The following C14orf93 variants were observed in gnomAD, a reference collection of about 807,000 sequenced individuals.
The protein encoded by C14orf93 is chromosome 14 open reading frame 93, also known as uncharacterized protein C14orf93.
In C14orf93, 23 loss-of-function variants were observed where a neutral mutation model predicts 44.0. That is an observed-to-expected ratio of 0.52 (90% CI 0.38 to 0.74). The LOEUF (loss-of-function observed/expected upper bound fraction) is 0.74, where lower values mean the gene tolerates loss of function less well. Among genes scored for constraint, C14orf93 ranks in the 30% least tolerant of loss-of-function variants. C14orf93 has a pLI of 0.00. For missense variants in C14orf93, 579 were observed against 678.9 expected (o/e 0.85, Z 1.64); for synonymous variants, 253 against 265.7 (o/e 0.95, Z 0.46).
Position 22,987,313 on chromosome 14 carries a change from C to T in C14orf93, c.1519G>A (p.Glu507Lys), listed in dbSNP as rs760132892. Residue 507 changes from glutamate (E) to lysine (K), a missense_variant, in exon 7 of 7, where the codon GAG becomes AAG. By Grantham distance (56) the Glu-to-Lys change is moderately conservative. Coordinates refer to ENST00000299088, the MANE Select transcript of C14orf93 (RefSeq NM_021944.4). This position sits in a 1 kb window ranked among gnomAD's most constrained non-coding sequence, Gnocchi z 5.6. ...FQEEEDEGGD[E>K]NAPGSPSFDQ... is the part of the protein sequence containing the mutation. ...AAAGATGGGGAGCCAGGTGCATTCT[C>T]ATCCCCTCCCTCATCTTCCTCTTCT... 6 of 1,614,130 alleles carry T rather than the reference C, an allele frequency of 3.7e-6. No individual in the cohort carries two copies. Among genetic ancestry groups the T allele is most frequent in the East Asian group, 2.2e-5 (1 of 44,902 alleles).
intron 3 of C14orf93, among the ~76,000 whole-genome samples, chr14:22,993,490 T>A (rs955858114): frequency 2.0e-5 from 3 of 152,084 alleles, no homozygotes; most frequent in Non-Finnish European, 4.4e-5. Context: ...TAGTCCACAC[T>A]TAAGGAATCA....
Position 22,999,071 on chromosome 14 carries a change from A to T in C14orf93, c.-48T>A. The T allele has an allele frequency of 6.5e-7, 1 of 1,546,652 alleles. No homozygotes were observed. The highest frequency in any genetic ancestry group is 8.7e-7 in the Non-Finnish European group (1 of 1,149,972). ...ACGCTTACACTGCTGGGCCGCTCCA[A>T]CAGGTAGGAAGCATCAACTTCTCTG... On this transcript the variant is annotated 5_prime_UTR_variant, in exon 2 of 7. It adds an upstream start codon to the 5' untranslated region. Transcript: ENST00000299088.
chr14:23,003,383 G>A (rs1265202139), intron 1 of C14orf93, among the ~76,000 whole-genome samples: 1 of 152,330 alleles, frequency 6.6e-6, no homozygotes, highest in East Asian at 1.9e-4. Flanking sequence ...GGGATCAGCA[G>A]GTAATAAACG....
At chr14:22,992,647 G>A (rs899977406) in intron 3 of C14orf93, among the ~76,000 whole-genome samples, 7 of 149,928 alleles carry the variant, frequency 4.7e-5, no homozygotes, top group South Asian at 4.3e-4. Context: ...GCGTGATCTC[G>A]GCTCACTGCA....
At position 22,986,687 on chromosome 14, in the gene C14orf93, A is replaced by G. The variant is rs2045242366; in HGVS notation, c.*528T>C. 1 of 157,898 alleles carries G rather than the reference A, an allele frequency of 6.3e-6. No homozygotes were observed. Among genetic ancestry groups the G allele is most frequent in the Non-Finnish European group, 1.4e-5 (1 of 71,024 alleles). The allele number at this position is 157,898 out of a possible 1,614,324, so 9.8% of individuals were successfully genotyped here. A position where few individuals can be genotyped will look rare whatever the true frequency, so the allele number is the denominator to read the frequency against. ...ATTATATCAGGAACCCAATTCCCCA[A>G]TAGTGATAGAACTTGTGTTCCCTTG... On this transcript the variant is annotated 3_prime_UTR_variant, in exon 7 of 7. Transcript: ENST00000299088.
chr14:22,991,781 A>G (rs576885493), intron 3 of C14orf93, among the ~76,000 whole-genome samples: 8 of 152,194 alleles, frequency 5.3e-5, no homozygotes, highest in African/African-American at 1.7e-4. Flanking sequence ...CATGTTGGCC[A>G]GGATGGTCTT....
intron 3 of C14orf93, among the ~76,000 whole-genome samples, chr14:22,993,587 T>C (rs564779525): frequency 3.9e-5 from 6 of 152,210 alleles, no homozygotes; most frequent in Admixed American, 3.9e-4. Context: ...AAAAGGGAGT[T>C]ACAAAGCTTC....
intron 1 of C14orf93, among the ~76,000 whole-genome samples, chr14:23,003,886 ATATATATATATATTTTT>A (rs2046460754): frequency 6.7e-5 from 1 of 15,026 alleles, no homozygotes; most frequent in African/African-American, 3.6e-4. Context: ...ATATATATAT[ATATATATATATATTTTT>A]TTTTTTTTTT....
chr14:22,999,217 G>A lies in C14orf93; in HGVS notation c.-194C>T. Reference sequence around the variant, plus strand: ...CACAGTCCATGGCGGCCTCTCCTCGGCCTGCAGAAGGGAGACAGGTGCCTT... The same window carrying A: ...CACAGTCCATGGCGGCCTCTCCTCGACCTGCAGAAGGGAGACAGGTGCCTT... On this transcript the variant is annotated 5_prime_UTR_variant, in exon 2 of 7. Coordinates refer to ENST00000299088, the MANE Select transcript of C14orf93 (RefSeq NM_021944.4). The A allele has an allele frequency of 1.3e-6, 1 of 780,552 alleles. No homozygotes were observed. The highest frequency in any genetic ancestry group is 1.9e-6 in the Non-Finnish European group (1 of 518,802). The allele number at this position is 780,552 out of a possible 1,614,324, so 48.4% of individuals were successfully genotyped here.
chr14:22,995,902 A>G (rs749072062), intron 3 of C14orf93, 46 bp downstream of exon 3: 1 of 1,503,660 alleles, frequency 6.7e-7, no homozygotes, highest in African/African-American at 1.4e-5. Flanking sequence ...CTCTTCACTT[A>G]TCTCTCCAGA....
At position 23,010,143 on chromosome 14, in the gene C14orf93, G is replaced by A. The variant is rs2046802077; in HGVS notation, c.-422C>T. On this transcript the variant is annotated 5_prime_UTR_variant, in exon 1 of 7. Coordinates refer to ENST00000299088, the MANE Select transcript of C14orf93 (RefSeq NM_021944.4). ...CTTTGTATTCGTGTGTGTGCAAAAAGGAGGACTCGCGGAGCCCGAGCCGGC... is the reference window on the plus strand; with the variant it reads ...CTTTGTATTCGTGTGTGTGCAAAAAAGAGGACTCGCGGAGCCCGAGCCGGC... The A allele has an allele frequency of 1.3e-5, 2 of 152,088 alleles. No homozygotes were observed. The highest frequency in any genetic ancestry group is 2.9e-5 in the Non-Finnish European group (2 of 67,994). 9.4% of individuals were successfully genotyped at this position (152,088 alleles called of 1,614,324 possible). A position where few individuals can be genotyped will look rare whatever the true frequency, so the allele number is the denominator to read the frequency against.
In C14orf93 at chr14:22,999,296, T is replaced by C. The variant is rs889978112; in HGVS notation, c.-273A>G. Reference sequence around the variant, plus strand: ...ACATCACAAATCAAGGCCTTCCTGATGAACGGTTTCAGACGGTAGAGAGCA... The same window carrying C: ...ACATCACAAATCAAGGCCTTCCTGACGAACGGTTTCAGACGGTAGAGAGCA... On this transcript the variant is annotated 5_prime_UTR_variant, in exon 2 of 7. Transcript: ENST00000299088. 5 of 358,318 alleles carry C rather than the reference T, an allele frequency of 1.4e-5. No homozygotes were observed. The highest frequency in any genetic ancestry group is 4.1e-5 in the African/African-American group (2 of 48,322). 22.2% of individuals were successfully genotyped at this position (358,318 alleles called of 1,614,324 possible). A position where few individuals can be genotyped will look rare whatever the true frequency, so the allele number is the denominator to read the frequency against.
chr14:23,001,578 C>T (rs2046298709), intron 1 of C14orf93, among the ~76,000 whole-genome samples: 1 of 152,088 alleles, frequency 6.6e-6, no homozygotes, highest in African/African-American at 2.4e-5. Context: ...GATTCTCCTG[C>T]CTCAGCCTCC....
At chr14:23,003,898 ATTTTTTTTTTTTTTTT>A (rs1170432984) in intron 1 of C14orf93, among the ~76,000 whole-genome samples, 4 of 10,378 alleles carry the variant, frequency 3.9e-4, no homozygotes, top group African/African-American at 2.0e-3. Context: ...ATATATATAT[ATTTTTTTTTTTTTTTT>A]TTTTTTTTTT....
At chr14:22,988,087 C>A in intron 5 of C14orf93, 72 bp from the exon 6 acceptor site, 1 of 1,043,014 alleles carries the variant, frequency 9.6e-7, no homozygotes, top group South Asian at 1.3e-5. Flanking sequence ...GTTTTTCTGC[C>A]CTAACACTAT....
intron 1 of C14orf93, among the ~76,000 whole-genome samples, chr14:23,003,796 G>A (rs775739630): frequency 1.6e-4 from 21 of 133,250 alleles, no homozygotes; most frequent in Admixed American, 5.5e-4. Flanking sequence ...GCGAGACTCC[G>A]GCTCAGAAAA....
intron 3 of C14orf93, among the ~76,000 whole-genome samples, chr14:22,991,206 G>A (rs144666651): frequency 2.7e-5 from 4 of 147,262 alleles, no homozygotes; most frequent in African/African-American, 1.0e-4. Context: ...GTTTCACTCT[G>A]TCACCCAGGC....
intron 3 of C14orf93, among the ~76,000 whole-genome samples, chr14:22,992,397 C>T (rs1365653463): frequency 4.1e-5 from 6 of 146,812 alleles, no homozygotes; most frequent in Non-Finnish European, 6.0e-5. Context: ...ACCCAGGAGG[C>T]GGAGGTTGCA....
chr14:23,000,821 A>G (rs1400034908), intron 1 of C14orf93: 1 of 152,118 alleles, frequency 6.6e-6, no homozygotes, highest in African/African-American at 2.4e-5. Flanking sequence ...GAAAGAGGCA[A>G]TATCAATGCC....
Sources: allele counts gnomAD v4.1 joint callset (sites outside exome capture counted in the v4.1 genomes callset), GRCh38; gene constraint gnomAD v4.1.1; non-coding constraint Gnocchi (gnomAD v3.1); transcripts MANE v1.5; gene names NCBI Gene and HGNC (gene_info 2026-07-23, HGNC 2026-07-21).